TBC1D30: variants seen among roughly 807,000 people sequenced by gnomAD.
The protein encoded by TBC1D30 is TBC1 domain family member 30.
A neutral mutation model predicts 63.2 loss-of-function variants in TBC1D30; 31 were observed. That is an observed-to-expected ratio of 0.49 (90% CI 0.37 to 0.66). The LOEUF is 0.66. Ranked by LOEUF, TBC1D30 falls within the 30% of genes least tolerant of loss-of-function variation. The probability of loss-of-function intolerance (pLI) is 0.00; values close to 1 mark genes in which losing one functional copy is unlikely to be tolerated. For missense variants in TBC1D30, 810 were observed against 953.6 expected (o/e 0.85, Z 1.98); for synonymous variants, 307 against 361.5 (o/e 0.85, Z 1.71).
At position 64,878,661 on chromosome 12, in the gene TBC1D30, A is replaced by G. The variant is rs766283151; in HGVS notation, c.*2873A>G. 5 of 418,596 alleles carry G rather than the reference A, an allele frequency of 1.2e-5. No homozygotes were observed. The highest frequency in any genetic ancestry group is 7.1e-5 in the East Asian group (1 of 14,100). 25.9% of individuals were successfully genotyped at this position (418,596 alleles called of 1,614,324 possible). A position where few individuals can be genotyped will look rare whatever the true frequency, so the allele number is the denominator to read the frequency against. ...GTTCTGCCATTTTCTGAGTGCAAGC[A>G]TGGAACACTGTTGTGACAGTCCCTT... On this transcript the variant is annotated 3_prime_UTR_variant, in exon 12 of 12. Coordinates refer to ENST00000539867, the MANE Select transcript of TBC1D30 (RefSeq NM_015279.2).
Position 64,824,843 on chromosome 12 carries a change from C to T in TBC1D30, c.-37C>T, listed in dbSNP as rs1874157957. The T allele has an allele frequency of 3.3e-6, 5 of 1,526,472 alleles. No individual in the cohort carries two copies. The highest frequency in any genetic ancestry group is 1.4e-5 in the African/African-American group (1 of 72,880). 94.6% of individuals were successfully genotyped at this position (1,526,472 alleles called of 1,614,324 possible). On this transcript the variant is annotated 5_prime_UTR_variant, in exon 1 of 12. It adds an upstream start codon to the 5' untranslated region. Transcript: ENST00000539867. ...GCGAGTGGGGTAGCGGGGACCGAGACGGACGGTAGCCGTGCCAGAGCCCGG... is the reference window on the plus strand; with the variant it reads ...GCGAGTGGGGTAGCGGGGACCGAGATGGACGGTAGCCGTGCCAGAGCCCGG...
intron 2 of TBC1D30, among the ~76,000 whole-genome samples, chr12:64,809,150 A>G (rs1312504518): frequency 6.6e-6 from 1 of 152,160 alleles, no homozygotes; most frequent in Non-Finnish European, 1.5e-5. Context: ...TTTTGGTTAC[A>G]TGGATAAGTT....
intron 4 of TBC1D30, among the ~76,000 whole-genome samples, chr12:64,831,654 AT>A: frequency 6.6e-6 from 1 of 152,148 alleles, no homozygotes; most frequent in East Asian, 1.9e-4. Context: ...CTATAATCAC[AT>A]TTTTTGCTAT....
chr12:64,878,867 C>T lies in TBC1D30; in HGVS notation c.*3079C>T, dbSNP rs1340592074. 5.4e-6 allele frequency: 1 copy of T among 184,424 alleles called. No individual in the cohort carries two copies. The highest frequency in any genetic ancestry group is 1.2e-5 in the Non-Finnish European group (1 of 86,490). The allele number at this position is 184,424 out of a possible 1,614,324, so 11.4% of individuals were successfully genotyped here. On this transcript the variant is annotated 3_prime_UTR_variant, in exon 12 of 12. Coordinates refer to ENST00000539867, the MANE Select transcript of TBC1D30 (RefSeq NM_015279.2). Reference sequence around the variant, plus strand: ...GAATATGAGTAAGCACAGAGTTTACCTAGAGAGTTTACCTAAAATTAACCT... The same window carrying T: ...GAATATGAGTAAGCACAGAGTTTACTTAGAGAGTTTACCTAAAATTAACCT...
rs536429833 is a variant in TBC1D30 at position 64,761,503 on chromosome 12, C to T, written c.-376+1854C>T. Among the ~76,000 whole-genome samples, 14 of 152,252 alleles carry T rather than the reference C, an allele frequency of 9.2e-5. No homozygotes were observed. In the South Asian group the frequency reaches 2.5e-3, roughly 27 times the overall value. On this transcript the variant is annotated intron_variant, in intron 1 of 13. Coordinates refer to the TBC1D30 transcript ENST00000674237. ...AGATACAAGATGCATGTCATAAAGA[C>T]CTTACTGATGAAACAGGTAGCAGTA...
intron 1 of TBC1D30, among the ~76,000 whole-genome samples, chr12:64,771,946 A>G (rs530920465): frequency 6.6e-6 from 1 of 152,236 alleles, no homozygotes; most frequent in Non-Finnish European, 1.5e-5. Context: ...TGGCACGTGG[A>G]TGAACATACA....
At chr12:64,799,145 A>G (rs1307541229) in intron 2 of TBC1D30, among the ~76,000 whole-genome samples, 2 of 151,872 alleles carry the variant, frequency 1.3e-5, no homozygotes, top group Admixed American at 6.6e-5. Context: ...GCTTCTGACG[A>G]TGTGCCTCTG....
chr12:64,810,845 C>T (rs974961801), intron 2 of TBC1D30, among the ~76,000 whole-genome samples: 2 of 152,218 alleles, frequency 1.3e-5, no homozygotes, highest in Admixed American at 6.5e-5. Context: ...TGTTCTGTTG[C>T]TCAACCATCC....
chr12:64,769,279 C>T (rs1262974698), intron 1 of TBC1D30, among the ~76,000 whole-genome samples: 1 of 151,838 alleles, frequency 6.6e-6, no homozygotes, highest in Admixed American at 6.6e-5. Flanking sequence ...CATCTTGGCT[C>T]ACTGCAACCT....
chr12:64,833,867 GT>G (rs11382841), intron 5 of TBC1D30, among the ~76,000 whole-genome samples: 1 of 150,346 alleles, frequency 6.7e-6, no homozygotes, highest in Non-Finnish European at 1.5e-5. Flanking sequence ...GCTTTCATCA[GT>G]TTTTTTTTTC....
At chr12:64,771,163 A>G (rs544298268) in intron 1 of TBC1D30, among the ~76,000 whole-genome samples, 2 of 152,058 alleles carry the variant, frequency 1.3e-5, no homozygotes, top group South Asian at 4.1e-4. Flanking sequence ...TGGTTCAAGT[A>G]GCCCTTCTGC....
intron 1 of TBC1D30, among the ~76,000 whole-genome samples, chr12:64,760,993 A>C (rs1592516513): frequency 6.6e-6 from 1 of 151,354 alleles, no homozygotes; most frequent in East Asian, 1.9e-4. Context: ...TTTTTTTTTT[A>C]AGTAAGCCTA....
chr12:64,863,851 G>A (rs892251273), intron 8 of TBC1D30, among the ~76,000 whole-genome samples: 1 of 152,156 alleles, frequency 6.6e-6, no homozygotes, highest in Admixed American at 6.5e-5. Context: ...GCATTATCAG[G>A]CTATTTCTTT....
chr12:64,781,788 T>A (rs2136290512), intron 1 of TBC1D30, among the ~76,000 whole-genome samples: 1 of 152,184 alleles, frequency 6.6e-6, no homozygotes, highest in Middle Eastern at 3.4e-3. Context: ...ATAATGCGGT[T>A]TCGAAGCAGA....
chr12:64,878,723 A>AC lies in TBC1D30; in HGVS notation c.*2941dup, dbSNP rs1879259861. On this transcript the variant is annotated 3_prime_UTR_variant, in exon 12 of 12. Coordinates refer to ENST00000539867, the MANE Select transcript of TBC1D30 (RefSeq NM_015279.2). ...CTTCTTCCTTCACCCCCAACCCCAG[A>AC]CCCCCCTTGGTCACATGAACCAGGG... 1 of 344,104 alleles carries AC rather than the reference A, an allele frequency of 2.9e-6. No homozygotes were observed. Among genetic ancestry groups the AC allele is most frequent in the Admixed American group, 3.6e-5 (1 of 28,062 alleles). The allele number at this position is 344,104 out of a possible 1,614,324, so 21.3% of individuals were successfully genotyped here. A position where few individuals can be genotyped will look rare whatever the true frequency, so the allele number is the denominator to read the frequency against.
chr12:64,866,973 C>G, intron 10 of TBC1D30, 70 bp downstream of exon 10: 1 of 1,460,682 alleles, frequency 6.8e-7, no homozygotes, highest in South Asian at 1.3e-5. Flanking sequence ...GATATTGTGT[C>G]CTATAGATGC....
chr12:64,873,344 GAA>G (rs1878800821), intron 11 of TBC1D30, among the ~76,000 whole-genome samples: 1 of 152,198 alleles, frequency 6.6e-6, no homozygotes, highest in South Asian at 2.1e-4. Context: ...AAAGGGAAAT[GAA>G]AAGATTGTTT....
Position 64,880,320 on chromosome 12 carries a change from T to G in TBC1D30, c.*4532T>G, listed in dbSNP as rs1366672833. The G allele has an allele frequency of 6.6e-6, 1 of 152,328 alleles. No individual in the cohort carries two copies. Among genetic ancestry groups the G allele is most frequent in the Non-Finnish European group, 1.5e-5 (1 of 68,112 alleles). 9.4% of individuals were successfully genotyped at this position (152,328 alleles called of 1,614,324 possible). On this transcript the variant is annotated 3_prime_UTR_variant, in exon 12 of 12. Transcript: ENST00000539867. ...GCTGGCCATCTCCCAATGCTGAATG[T>G]CTGACTCAGTTCAGGCTGCTGTAAC... is the stretch of plus-strand genomic sequence containing the variant.
At chr12:64,827,437 G>T (rs1010466421) in intron 1 of TBC1D30, among the ~76,000 whole-genome samples, 1 of 152,160 alleles carries the variant, frequency 6.6e-6, no homozygotes, top group Non-Finnish European at 1.5e-5. Flanking sequence ...TTCAGCCTGG[G>T]TGATATATTG....
Sources: gnomAD v4.1 joint callset for allele counts (sites outside exome capture counted in the v4.1 genomes callset) on GRCh38, gnomAD v4.1.1 for gene constraint, MANE v1.5 for transcripts, NCBI Gene and HGNC (gene_info 2026-07-23, HGNC 2026-07-21) for gene names.